CLVS1: variants seen among roughly 807,000 people sequenced by gnomAD.
CLVS1 encodes the protein clavesin 1, also known as clavesin-1.
CLVS1 carries 10 observed loss-of-function variants against 33.1 expected under a neutral mutation model. The observed-to-expected ratio is 0.30, with a 90% CI of 0.19 to 0.51. CLVS1 has a LOEUF of 0.51. Among genes scored for constraint, CLVS1 ranks in the 20% least tolerant of loss-of-function variants. CLVS1 has a pLI of 0.97. For missense variants in CLVS1, 343 were observed against 433.4 expected (o/e 0.79, Z 1.85); for synonymous variants, 163 against 166.1 (o/e 0.98, Z 0.14).
chr8:61,149,550 T>TCAAAAAAAAAAA (rs1806482957), intron 2 of CLVS1, among the ~76,000 whole-genome samples: 1 of 42,874 alleles, frequency 2.3e-5, no homozygotes, highest in African/African-American at 1.4e-4. Flanking sequence ...AGACTCTGTC[T>TCAAAAAAAAAAA]CAAAAAAAAA....
chr8:61,312,873 C>T (rs1255839369), intron 2 of CLVS1, among the ~76,000 whole-genome samples: 1 of 152,188 alleles, frequency 6.6e-6, no homozygotes, highest in African/African-American at 2.4e-5. Flanking sequence ...TCTCTGATGA[C>T]TCACAATTTG....
intron 1 of CLVS1, among the ~76,000 whole-genome samples, chr8:61,115,626 T>C (rs2129288915): frequency 6.6e-6 from 1 of 152,098 alleles, no homozygotes; most frequent in South Asian, 2.1e-4. Context: ...TATGCGGTGT[T>C]TGGTTTTTTG....
intron 3 of CLVS1, among the ~76,000 whole-genome samples, chr8:61,411,065 G>A (rs1004624830): frequency 6.6e-6 from 1 of 152,154 alleles, no homozygotes; most frequent in African/African-American, 2.4e-5. Context: ...CACATGTGGG[G>A]GACCTATATC....
intron 1 of CLVS1, among the ~76,000 whole-genome samples, chr8:61,087,512 A>G (rs1805148725): frequency 6.6e-6 from 1 of 152,136 alleles, no homozygotes. Context: ...TAGGAGCTGC[A>G]GGGGTTGGCT....
At chr8:60,985,902 A>G in the CLVS1 span, among the ~76,000 whole-genome samples, 1 of 152,134 alleles carries the variant, frequency 6.6e-6, no homozygotes, top group South Asian at 2.1e-4. Context: ...GCATACAATA[A>G]GGGCAATCAC....
At chr8:61,218,079 G>C (rs779021553) in intron 2 of CLVS1, among the ~76,000 whole-genome samples, 1 of 151,536 alleles carries the variant, frequency 6.6e-6, no homozygotes, top group Non-Finnish European at 1.5e-5. Context: ...AGCCACTATG[G>C]AGAACAGTAT....
intron 2 of CLVS1, among the ~76,000 whole-genome samples, chr8:61,362,917 A>G (rs893025008): frequency 6.6e-6 from 1 of 152,206 alleles, no homozygotes; most frequent in Non-Finnish European, 1.5e-5. Flanking sequence ...CGATTTCTGA[A>G]TGTGGGTGAA....
At chr8:60,996,793 C>T in the CLVS1 span, among the ~76,000 whole-genome samples, 12 of 120,310 alleles carry the variant, frequency 1.0e-4, no homozygotes, top group Non-Finnish European at 1.6e-4. Context: ...CACACAGAGG[C>T]TTTCAAGCCC....
At chr8:61,407,589 A>C (rs1815041101) in intron 3 of CLVS1, among the ~76,000 whole-genome samples, 1 of 152,268 alleles carries the variant, frequency 6.6e-6, no homozygotes, top group African/African-American at 2.4e-5. Flanking sequence ...TGATTTTTAA[A>C]TCAATTATTG....
intron 2 of CLVS1, among the ~76,000 whole-genome samples, chr8:61,334,635 A>G (rs1451442585): frequency 6.6e-6 from 1 of 152,190 alleles, no homozygotes; most frequent in East Asian, 1.9e-4. Flanking sequence ...TTTCCCTACA[A>G]TGTAGTAAGT....
chr8:61,004,831 T>C, the CLVS1 span, among the ~76,000 whole-genome samples: 1 of 152,188 alleles, frequency 6.6e-6, no homozygotes, highest in African/African-American at 2.4e-5. Flanking sequence ...GCTTCCCCTT[T>C]CATTTTTCTT....
intron 2 of CLVS1, among the ~76,000 whole-genome samples, chr8:61,346,960 G>C (rs1028587641): frequency 1.3e-5 from 2 of 152,218 alleles, no homozygotes; most frequent in African/African-American, 4.8e-5. Flanking sequence ...ATGACTGCAA[G>C]TGGTAAAAGA....
intron 3 of CLVS1, among the ~76,000 whole-genome samples, chr8:61,407,057 C>G (rs1411314361): frequency 6.6e-6 from 1 of 152,142 alleles, no homozygotes; most frequent in Admixed American, 6.5e-5. Context: ...AGACACAGAT[C>G]AAAGGGATTT....
the CLVS1 span, among the ~76,000 whole-genome samples, chr8:61,007,440 T>C: frequency 1.3e-5 from 2 of 152,210 alleles, no homozygotes; most frequent in African/African-American, 2.4e-5. Flanking sequence ...AAAGTCAAGT[T>C]CTTGGTTGCA....
intron 3 of CLVS1, among the ~76,000 whole-genome samples, chr8:61,425,790 G>C (rs866974876): frequency 6.6e-6 from 1 of 152,148 alleles, no homozygotes; most frequent in South Asian, 2.1e-4. Flanking sequence ...AGTGTCTGGG[G>C]CATAAAAGTG....
upstream of CLVS1, among the ~76,000 whole-genome samples, chr8:61,053,233 A>G (rs1804415857): frequency 6.6e-6 from 1 of 152,222 alleles, no homozygotes; most frequent in African/African-American, 2.4e-5. Flanking sequence ...GCCCACAGCA[A>G]GTAGATGGTA....
chr8:61,485,315 A>AT (rs1420186404), intron 5 of CLVS1, among the ~76,000 whole-genome samples: 1 of 152,258 alleles, frequency 6.6e-6, no homozygotes, highest in Non-Finnish European at 1.5e-5. Flanking sequence ...AAAAGAAGAC[A>AT]TTTATGCAGT....
intron 1 of CLVS1, among the ~76,000 whole-genome samples, chr8:61,107,659 A>G (rs566469432): frequency 6.6e-6 from 1 of 152,334 alleles, no homozygotes; most frequent in South Asian, 2.1e-4. Flanking sequence ...ACTAACCTGG[A>G]GATGGCAGCT....
rs1259018937 is a variant in CLVS1, at chr8:61,162,289, G to A, written c.-152+30429G>A. ...TTGCAGGACTCCTGCAGACACTTGTGTGTTAATAAATTTGTATGCTTTTTC... is the reference window on the plus strand; with the variant it reads ...TTGCAGGACTCCTGCAGACACTTGTATGTTAATAAATTTGTATGCTTTTTC... On this transcript the variant is annotated intron_variant, in intron 2 of 2. Coordinates refer to the CLVS1 transcript ENST00000522621. Among the ~76,000 whole-genome samples, 5 of 152,214 alleles carry A rather than the reference G, an allele frequency of 3.3e-5. No individual in the cohort carries two copies. The East Asian group carries it at 9.6e-4, about 29-fold the overall frequency.
Sources: allele counts gnomAD v4.1 joint callset (sites outside exome capture counted in the v4.1 genomes callset), GRCh38; gene constraint gnomAD v4.1.1; transcripts MANE v1.5; gene names NCBI Gene and HGNC (gene_info 2026-07-23, HGNC 2026-07-21).